Variants in HRH1 observed in about 807,000 individuals in gnomAD.
HRH1 encodes the protein histamine receptor H1.
A neutral mutation model predicts 10.3 loss-of-function variants in HRH1; 6 were observed. That is an observed-to-expected ratio of 0.58 (90% CI 0.32 to 1.15). HRH1 has a LOEUF of 1.15. Ranked by LOEUF, HRH1 falls within the 50% of genes most tolerant of loss-of-function variation. The probability of loss-of-function intolerance (pLI) is 0.05; values close to 1 mark genes in which losing one functional copy is unlikely to be tolerated. For missense variants in HRH1, 514 were observed against 615.3 expected, an observed-to-expected ratio of 0.84 and a Z score of 1.74; for synonymous variants, 242 against 236.7, an observed-to-expected ratio of 1.02 and a Z score of -0.21.
chr3:11,256,797 CTAAA>C (rs1055002051), intron 1 of HRH1, among the ~76,000 whole-genome samples: 1 of 151,968 alleles, frequency 6.6e-6, no homozygotes, highest in Admixed American at 6.6e-5. Flanking sequence ...GACTCCGTCT[CTAAA>C]TAAATAAATA....
At chr3:11,198,669 C>T (rs1427428501) in intron 1 of HRH1, among the ~76,000 whole-genome samples, 1 of 147,550 alleles carries the variant, frequency 6.8e-6, no homozygotes, top group Non-Finnish European at 1.5e-5. Context: ...CCCAGGAGTT[C>T]GAGGTTACAG....
chr3:11,185,833 T>C (rs984753471), intron 1 of HRH1, among the ~76,000 whole-genome samples: 1 of 152,174 alleles, frequency 6.6e-6, no homozygotes, highest in East Asian at 1.9e-4. Context: ...TCCTGGAATG[T>C]TGGCACTCAG....
upstream of HRH1, among the ~76,000 whole-genome samples, chr3:11,153,461 C>T (rs989450859): frequency 6.6e-6 from 1 of 152,152 alleles, no homozygotes; most frequent in Non-Finnish European, 1.5e-5. Context: ...GGGACTGCTG[C>T]TACTGGGAGG....
intron 1 of HRH1, among the ~76,000 whole-genome samples, chr3:11,208,874 T>C (rs766091534): frequency 6.6e-6 from 1 of 152,214 alleles, no homozygotes; most frequent in Admixed American, 6.5e-5. Flanking sequence ...GGATGAAAGA[T>C]TCTCAGAAGT....
chr3:11,162,474 C>G (rs1282479262), intron 1 of HRH1, among the ~76,000 whole-genome samples: 1 of 109,670 alleles, frequency 9.1e-6, no homozygotes, highest in Non-Finnish European at 1.8e-5. Context: ...GTCCTGATGA[C>G]TGATGAAAAG....
At chr3:11,246,064 ACT>A (rs911639862) in intron 1 of HRH1, among the ~76,000 whole-genome samples, 33 of 151,732 alleles carry the variant, frequency 2.2e-4, no homozygotes, top group East Asian at 7.8e-4. Flanking sequence ...ATACACACAG[ACT>A]CTCACACACA....
In HRH1 at chr3:11,256,126, C is replaced by T. The variant is rs181089981; in HGVS notation, c.-35-2877C>T. Among the ~76,000 whole-genome samples the T allele has an allele frequency of 2.6e-4, 40 of 152,100 alleles. No individual in the cohort carries two copies. The East Asian group carries it at 5.6e-3, about 21-fold the overall frequency. On this transcript the variant is annotated intron_variant, in intron 1 of 1. Transcript: ENST00000431010. ...AGTGAGAGGATGAGATCCCCGAGGC[C>T]GACAGCACAGAGTGACAGGAGCATA...
chr3:11,250,385 G>C (rs1001051408), intron 1 of HRH1, among the ~76,000 whole-genome samples: 4 of 151,964 alleles, frequency 2.6e-5, no homozygotes, highest in African/African-American at 9.7e-5. Context: ...TTACATTTTC[G>C]GGGGTAGGTA....
intron 1 of HRH1, among the ~76,000 whole-genome samples, chr3:11,230,921 C>T (rs867709271): frequency 2.0e-5 from 3 of 152,196 alleles, no homozygotes; most frequent in African/African-American, 4.8e-5. Context: ...AATATCACAA[C>T]CAACATATGG....
At chr3:11,182,675 C>T (rs1384935347) in intron 1 of HRH1, among the ~76,000 whole-genome samples, 2 of 152,180 alleles carry the variant, frequency 1.3e-5, no homozygotes, top group African/African-American at 4.8e-5. Context: ...GAGGGTGCTG[C>T]AGCAAGCCTG....
intron 1 of HRH1, among the ~76,000 whole-genome samples, chr3:11,178,562 A>G (rs1937290266): frequency 6.6e-6 from 1 of 152,098 alleles, no homozygotes; most frequent in Non-Finnish European, 1.5e-5. Flanking sequence ...CATTTTGTCT[A>G]CAAGTGCAGA....
At chr3:11,226,747 T>C (rs982947559) in intron 1 of HRH1, among the ~76,000 whole-genome samples, 4 of 151,542 alleles carry the variant, frequency 2.6e-5, no homozygotes, top group African/African-American at 9.7e-5. Context: ...AATAGCCAGG[T>C]GTCATGGTGG....
intron 1 of HRH1, among the ~76,000 whole-genome samples, chr3:11,245,998 AC>A (rs1310553534): frequency 1.8e-4 from 15 of 82,608 alleles, no homozygotes; most frequent in African/African-American, 6.8e-4. Context: ...CCACACACAC[AC>A]TTACACATAC....
At chr3:11,246,467 A>G (rs953040887) in intron 1 of HRH1, among the ~76,000 whole-genome samples, 1 of 152,210 alleles carries the variant, frequency 6.6e-6, no homozygotes, top group Non-Finnish European at 1.5e-5. Flanking sequence ...TGGCCATAGT[A>G]TCTGACTTTT....
At chr3:11,140,127 C>G (rs1936263510) in intron 1 of HRH1, among the ~76,000 whole-genome samples, 1 of 152,122 alleles carries the variant, frequency 6.6e-6, no homozygotes, top group Non-Finnish European at 1.5e-5. Flanking sequence ...TGCCCATGTA[C>G]AGTGAACGAC....
chr3:11,244,415 A>C (rs1939428267), intron 1 of HRH1, among the ~76,000 whole-genome samples: 1 of 152,208 alleles, frequency 6.6e-6, no homozygotes, highest in Non-Finnish European at 1.5e-5. Flanking sequence ...TAGACATGAG[A>C]GGAGACTATT....
chr3:11,142,915 G>GA (rs796318937), intron 1 of HRH1, among the ~76,000 whole-genome samples: 2,318 of 143,770 alleles, frequency 0.016, 51 homozygotes, highest in African/African-American at 0.05. Flanking sequence ...CTCTGTTTTG[G>GA]AAAAAAAAAA....
chr3:11,258,242 C>CAAAAAAAAA (rs33992856), intron 1 of HRH1, among the ~76,000 whole-genome samples: 2 of 76,400 alleles, frequency 2.6e-5, no homozygotes, highest in Non-Finnish European at 4.7e-5. Flanking sequence ...TGATGTAAGC[C>CAAAAAAAAA]AAAAAAAAAA....
chr3:11,218,153 A>T (rs1470824226), intron 1 of HRH1, among the ~76,000 whole-genome samples: 1 of 152,248 alleles, frequency 6.6e-6, no homozygotes, highest in African/African-American at 2.4e-5. Flanking sequence ...TTGAGTAAGA[A>T]AACAATTTTA....
Sources: gnomAD v4.1 joint callset for allele counts (sites outside exome capture counted in the v4.1 genomes callset) on GRCh38, gnomAD v4.1.1 for gene constraint, MANE v1.5 for transcripts, NCBI Gene and HGNC (gene_info 2026-07-23, HGNC 2026-07-21) for gene names.